DTWD1: variants seen among roughly 807,000 people sequenced by gnomAD.
DTWD1 encodes the protein DTW motif tRNA-uridine aminocarboxypropyltransferase 1, also known as tRNA-uridine aminocarboxypropyltransferase 1.
In DTWD1, 27 loss-of-function variants were observed where a neutral mutation model predicts 30.2. The ratio of observed to expected loss-of-function variants is 0.90; its 90% confidence interval spans 0.66 to 1.23. The LOEUF is 1.23. Ranked by LOEUF, DTWD1 falls within the 50% of genes most tolerant of loss-of-function variation. The probability of loss-of-function intolerance (pLI) is 0.00; values close to 1 mark genes in which losing one functional copy is unlikely to be tolerated. For synonymous variants in DTWD1, 99 were observed against 113.1 expected (o/e 0.88, Z 0.79); for missense variants, 342 against 348.8 (o/e 0.98, Z 0.15).
rs1156400379 is a variant in DTWD1 at position 49,648,538 on chromosome 15, A to G, written c.*4960A>G. The G allele has an allele frequency of 6.6e-6, 1 of 152,206 alleles. No homozygotes were observed. Among genetic ancestry groups the G allele is most frequent in the Non-Finnish European group, 1.5e-5 (1 of 68,052 alleles). 9.4% of individuals were successfully genotyped at this position (152,206 alleles called of 1,614,324 possible). On this transcript the variant is annotated 3_prime_UTR_variant, in exon 5 of 5. Coordinates refer to ENST00000403028, the MANE Select transcript of DTWD1 (RefSeq NM_001144955.2). ...GCCTTATCTGAAACTCCTGACCTCAAGTGATCCTGCCTTTGCTTCCCAAAG... is the reference window on the plus strand; with the variant it reads ...GCCTTATCTGAAACTCCTGACCTCAGGTGATCCTGCCTTTGCTTCCCAAAG...
At chr15:49,639,124 A>C (rs573367231) in intron 4 of DTWD1, among the ~76,000 whole-genome samples, 1 of 152,274 alleles carries the variant, frequency 6.6e-6, no homozygotes, top group Non-Finnish European at 1.5e-5. Flanking sequence ...GCTGTGTCCT[A>C]TACTACCTTA....
Position 49,652,497 on chromosome 15 carries a change from G to A in DTWD1, c.*8919G>A, listed in dbSNP as rs1814501178. The A allele has an allele frequency of 6.7e-6, 1 of 149,774 alleles. No individual in the cohort carries two copies. The highest frequency in any genetic ancestry group is 1.5e-5 in the Non-Finnish European group (1 of 67,894). The allele number at this position is 149,774 out of a possible 1,614,324, so 9.3% of individuals were successfully genotyped here. A position where few individuals can be genotyped will look rare whatever the true frequency, so the allele number is the denominator to read the frequency against. ...CTGGAACTCAGGCCTCTCAAGGAAT[G>A]TGGGTCTGAATTATACCAGATAAAC... is the stretch of plus-strand genomic sequence containing the variant. On this transcript the variant is annotated 3_prime_UTR_variant, in exon 5 of 5. Transcript: ENST00000403028.
chr15:49,629,317 T>C (rs1272278743), intron 2 of DTWD1, among the ~76,000 whole-genome samples: 1 of 152,170 alleles, frequency 6.6e-6, no homozygotes, highest in Non-Finnish European at 1.5e-5. Context: ...TTGCAGACTT[T>C]AGTTCATAAA....
chr15:49,622,565 T>A (rs904059829), intron 1 of DTWD1, among the ~76,000 whole-genome samples: 12 of 152,248 alleles, frequency 7.9e-5, no homozygotes, highest in Admixed American at 2.0e-4. Flanking sequence ...GAACAGTCTT[T>A]ATGTTTTCTA....
chr15:49,626,672 G>T, intron 2 of DTWD1: 2 of 369,674 alleles, frequency 5.4e-6, no homozygotes, highest in Non-Finnish European at 1.1e-5. Flanking sequence ...AATTTGTTTT[G>T]ATGATTTTAA....
rs907685755 is a variant in DTWD1, at chr15:49,644,673, A to C, written c.*1095A>C. The C allele has an allele frequency of 1.3e-5, 2 of 152,090 alleles. No individual in the cohort carries two copies. The highest frequency in any genetic ancestry group is 4.8e-5 in the African/African-American group (2 of 41,412). 9.4% of individuals were successfully genotyped at this position (152,090 alleles called of 1,614,324 possible). A position where few individuals can be genotyped will look rare whatever the true frequency, so the allele number is the denominator to read the frequency against. On this transcript the variant is annotated 3_prime_UTR_variant, in exon 5 of 5. Coordinates refer to ENST00000403028, the MANE Select transcript of DTWD1 (RefSeq NM_001144955.2). ...ATCAGTTGGCTGTGTTCCTCTACTA[A>C]ATAGTACCTTATCAGGAATCCTATC...
intron 2 of DTWD1, among the ~76,000 whole-genome samples, chr15:49,628,882 A>G (rs2078880930): frequency 6.6e-6 from 1 of 152,056 alleles, no homozygotes; most frequent in African/African-American, 2.4e-5. Flanking sequence ...TCTTGGATAC[A>G]TGTGCAGAAC....
intron 4 of DTWD1, among the ~76,000 whole-genome samples, chr15:49,635,550 T>G (rs1344168083): frequency 1.3e-5 from 2 of 152,134 alleles, no homozygotes; most frequent in African/African-American, 4.8e-5. Context: ...AGGCTAGCAG[T>G]GGTGCAATCT....
At chr15:49,632,844 T>G (rs12902960) in intron 3 of DTWD1, among the ~76,000 whole-genome samples, 1 of 151,830 alleles carries the variant, frequency 6.6e-6, no homozygotes, top group African/African-American at 2.4e-5. Flanking sequence ...GGTGAGAAAT[T>G]ATGGGTCTTC....
chr15:49,631,392 G>A (rs892786012), intron 2 of DTWD1, among the ~76,000 whole-genome samples: 3 of 152,192 alleles, frequency 2.0e-5, no homozygotes, highest in African/African-American at 7.2e-5. Context: ...GTTTTGACTT[G>A]AAAGTATGTC....
Position 49,655,274 on chromosome 15 carries a change from A to T in DTWD1, c.*11696A>T, listed in dbSNP as rs984973011. On this transcript the variant is annotated 3_prime_UTR_variant, in exon 5 of 5. Coordinates refer to ENST00000403028, the MANE Select transcript of DTWD1 (RefSeq NM_001144955.2). ...CCAGTACACAGAAATGAGAAATTTT[A>T]AAATGGTTGATTTAGGTAATTAAGT... is the stretch of plus-strand genomic sequence containing the variant. 6.6e-6 allele frequency: 1 copy of T among 152,118 alleles called. No individual in the cohort carries two copies. The highest frequency in any genetic ancestry group is 1.5e-5 in the Non-Finnish European group (1 of 68,010). 9.4% of individuals were successfully genotyped at this position (152,118 alleles called of 1,614,324 possible).
intron 4 of DTWD1, among the ~76,000 whole-genome samples, chr15:49,641,786 T>G (rs988414982): frequency 2.0e-5 from 3 of 152,130 alleles, no homozygotes; most frequent in African/African-American, 7.2e-5. Flanking sequence ...ATTCTGTCTT[T>G]GGTCTTTGGT....
chr15:49,647,486 G>A lies in DTWD1; in HGVS notation c.*3908G>A, dbSNP rs1057175027. 2 of 152,032 alleles carry A rather than the reference G, an allele frequency of 1.3e-5. No homozygotes were observed. The highest frequency in any genetic ancestry group is 2.9e-5 in the Non-Finnish European group (2 of 68,010). The allele number at this position is 152,032 out of a possible 1,614,324, so 9.4% of individuals were successfully genotyped here. On this transcript the variant is annotated 3_prime_UTR_variant, in exon 5 of 5. Transcript: ENST00000403028. ...GACAGAATAAGCTGACTGTTATTAA[G>A]TACAATAGATAAGGTACCTAAGAGC...
At chr15:49,636,622 T>C (rs1301091239) in intron 4 of DTWD1, among the ~76,000 whole-genome samples, 2 of 152,184 alleles carry the variant, frequency 1.3e-5, no homozygotes, top group Non-Finnish European at 1.5e-5. Flanking sequence ...TTGTGATTAG[T>C]TTCAGTCTAA....
rs2078947255 is a variant in DTWD1 at position 49,633,049 on chromosome 15, C to CTATCTATATATA, written c.408+750_408+751insCTATATATATAT. ...TTTACTTTCCTATTTATATCTATAT[C>CTATCTATATATA]TATATATATATATATATATATGTAT... On this transcript the variant is annotated intron_variant, in intron 3 of 4. Coordinates refer to ENST00000403028, the MANE Select transcript of DTWD1 (RefSeq NM_001144955.2). Among the ~76,000 whole-genome samples the CTATCTATATATA allele has an allele frequency of 6.8e-4, 80 of 117,338 alleles. 1 individual carries two copies. In the South Asian group the frequency reaches 0.01, roughly 15 times the overall value. 77.0% of individuals were successfully genotyped at this position (117,338 alleles called of 152,430 possible). A position where few individuals can be genotyped will look rare whatever the true frequency, so the allele number is the denominator to read the frequency against.
At chr15:49,630,842 A>G (rs1256005493) in intron 2 of DTWD1, 3 of 193,054 alleles carry the variant, frequency 1.6e-5, no homozygotes, top group Admixed American at 1.1e-4. Context: ...CATCACTCGC[A>G]TTACCACCTG....
intron 2 of DTWD1, chr15:49,631,932 A>G (rs2078925929): frequency 3.9e-6 from 2 of 515,196 alleles, no homozygotes; most frequent in South Asian, 2.2e-5. Context: ...TCTCTGTTAA[A>G]TGAGTTGAAA....
Position 49,643,321 on chromosome 15 carries a change from T to TTTTTTTTTTTTTTTTTTTTTG in DTWD1, c.668-6_668-5insTTTTTTTTTTTTTTTTGTTTT. 1 of 1,463,656 alleles carries TTTTTTTTTTTTTTTTTTTTTG rather than the reference T, an allele frequency of 6.8e-7. No individual in the cohort carries two copies. Among genetic ancestry groups the TTTTTTTTTTTTTTTTTTTTTG allele is most frequent in the Non-Finnish European group, 9.0e-7 (1 of 1,116,122 alleles). The allele number at this position is 1,463,656 out of a possible 1,614,324, so 90.7% of individuals were successfully genotyped here. ...TTCTTTCTTTCTTTTTTTTTTTTTT[T>TTTTTTTTTTTTTTTTTTTTTG]TTTTGACAGGGTTGTTACAAGTTGA... On this transcript the variant is annotated splice_polypyrimidine_tract_variant and intron_variant, in intron 4 of 4. Transcript: ENST00000403028.
rs2079150773 is a variant in DTWD1 at position 49,651,310 on chromosome 15, CTG to C, written c.*7734_*7735del. 6.6e-6 allele frequency: 1 copy of C among 152,120 alleles called. No individual in the cohort carries two copies. The highest frequency in any genetic ancestry group is 2.1e-4 in the South Asian group (1 of 4,826). The allele number at this position is 152,120 out of a possible 1,614,324, so 9.4% of individuals were successfully genotyped here. A position where few individuals can be genotyped will look rare whatever the true frequency, so the allele number is the denominator to read the frequency against. ...GTATGTACATGAACTGTGAAGGTCT[CTG>C]TATTACGTGCAGTGCCCACCAGAGA... On this transcript the variant is annotated 3_prime_UTR_variant, in exon 5 of 5. Coordinates refer to ENST00000403028, the MANE Select transcript of DTWD1 (RefSeq NM_001144955.2).
Sources: allele counts gnomAD v4.1 joint callset (sites outside exome capture counted in the v4.1 genomes callset), GRCh38; gene constraint gnomAD v4.1.1; transcripts MANE v1.5; gene names NCBI Gene and HGNC (gene_info 2026-07-23, HGNC 2026-07-21).